USP45: variants seen among roughly 807,000 people sequenced by gnomAD.
USP45 encodes ubiquitin carboxyl-terminal hydrolase 45.
In USP45, 89 loss-of-function variants were observed where a neutral mutation model predicts 95.8. The observed-to-expected ratio is 0.93, with a 90% CI of 0.78 to 1.11. The LOEUF (loss-of-function observed/expected upper bound fraction) is 1.11. Among genes scored for constraint, USP45 ranks in the 50% least tolerant of loss-of-function variants. USP45 has a pLI of 0.00. For synonymous variants in USP45, 281 were observed against 316.2 expected (o/e 0.89, Z 1.18); for missense variants, 898 against 942.5 (o/e 0.95, Z 0.62).
intron 13 of USP45, among the ~76,000 whole-genome samples, chr6:99,456,119 C>T (rs1161360337): frequency 4.5e-5 from 5 of 109,998 alleles, no homozygotes; most frequent in East Asian, 2.9e-4. Context: ...GGCAACAGAG[C>T]GAGACTCTGT....
At position 99,459,123 on chromosome 6, in the gene USP45, A is replaced by G. The variant is rs545010867; in HGVS notation, c.1308+5481T>C. Reference sequence around the variant, plus strand: ...CTAGTATCCAATATTATTTTTTCTGATCCTCTCCCTCCTCCCACCCTGTGC... The same window carrying G: ...CTAGTATCCAATATTATTTTTTCTGGTCCTCTCCCTCCTCCCACCCTGTGC... On this transcript the variant is annotated intron_variant, in intron 13 of 17. Coordinates refer to ENST00000500704, the MANE Select transcript of USP45 (RefSeq NM_001346022.3). Among the ~76,000 whole-genome samples the G allele has an allele frequency of 2.0e-5, 3 of 152,040 alleles. No homozygotes were observed. The South Asian group carries it at 6.2e-4, about 32-fold the overall frequency.
chr6:99,451,559 T>C (rs1289206445), intron 13 of USP45, among the ~76,000 whole-genome samples: 2 of 152,200 alleles, frequency 1.3e-5, no homozygotes, highest in Non-Finnish European at 2.9e-5. Context: ...GAACCTTCCA[T>C]ACTCATGGAT....
At chr6:99,486,611 TA>T (rs990985522) in intron 7 of USP45, among the ~76,000 whole-genome samples, 15 of 106,166 alleles carry the variant, frequency 1.4e-4, no homozygotes, top group African/African-American at 6.2e-4. Context: ...AATATATATA[TA>T]AAAAGGAGGT....
chr6:99,462,140 T>C, intron 13 of USP45: 1 of 983,048 alleles, frequency 1.0e-6, no homozygotes. Context: ...GTAACTCTAT[T>C]ACATGAAAAA....
chr6:99,485,733 A>G (rs1193052622), intron 7 of USP45, among the ~76,000 whole-genome samples: 4 of 152,208 alleles, frequency 2.6e-5, no homozygotes, highest in Admixed American at 2.0e-4. Context: ...TTCCACACAC[A>G]CTGTTGATAT....
chr6:99,502,281 G>A (rs1797552568), intron 5 of USP45, among the ~76,000 whole-genome samples: 1 of 152,192 alleles, frequency 6.6e-6, no homozygotes, highest in Admixed American at 6.5e-5. Flanking sequence ...CCCAGACTTT[G>A]CCCTATGCAT....
chr6:99,455,052 TGCACTCCA>T (rs1339323688), intron 13 of USP45, among the ~76,000 whole-genome samples: 1 of 138,430 alleles, frequency 7.2e-6, no homozygotes, highest in Admixed American at 8.1e-5. Context: ...ATCACACCAC[TGCACTCCA>T]GCCCGGGTGA....
rs931140875 is a variant in USP45 at position 99,456,065 on chromosome 6, A to G, written c.1308+8539T>C. Among the ~76,000 whole-genome samples, 3 of 145,456 alleles carry G rather than the reference A, an allele frequency of 2.1e-5. No individual in the cohort carries two copies. In the Admixed American group the frequency reaches 2.1e-4, roughly 10 times the overall value. On this transcript the variant is annotated intron_variant, in intron 13 of 17. Coordinates refer to ENST00000500704, the MANE Select transcript of USP45 (RefSeq NM_001346022.3). ...GGAGAATGGCATGAACCTGGGAGGC[A>G]GAGCTTGCAGTGAGCCAAGATCGCG...
rs1010019788 is a variant in USP45 at position 99,499,507 on chromosome 6, A to G, written c.478+4258T>C. ...AAAACTTATTCTAGAATGCCAAGGA[A>G]TATTATTTTAAATCAAACTTGCCTG... On this transcript the variant is annotated intron_variant, in intron 5 of 17. Transcript: ENST00000500704. Among the ~76,000 whole-genome samples the G allele has an allele frequency of 2.6e-5, 4 of 152,192 alleles. No individual in the cohort carries two copies. The East Asian group carries it at 7.7e-4, about 29-fold the overall frequency.
At chr6:99,437,954 G>A (rs910818695) in intron 16 of USP45, among the ~76,000 whole-genome samples, 2 of 151,982 alleles carry the variant, frequency 1.3e-5, no homozygotes, top group East Asian at 1.9e-4. Flanking sequence ...CACTGAGCCT[G>A]GCCTATGCAG....
At chr6:99,443,486 A>T in intron 15 of USP45, 79 bp downstream of exon 15, 1 of 928,556 alleles carries the variant, frequency 1.1e-6, no homozygotes, top group Non-Finnish European at 1.6e-6. Flanking sequence ...GTTATTGTCT[A>T]ATTCTTGACA....
intron 5 of USP45, among the ~76,000 whole-genome samples, chr6:99,492,384 C>G (rs1344441441): frequency 1.3e-5 from 1 of 75,758 alleles, no homozygotes; most frequent in Non-Finnish European, 2.4e-5. Context: ...GGTTAAATAG[C>G]CACTTCACAC....
chr6:99,497,176 G>T (rs1049465154), intron 5 of USP45, among the ~76,000 whole-genome samples: 1 of 151,598 alleles, frequency 6.6e-6, no homozygotes, highest in African/African-American at 2.4e-5. Context: ...CCTATTTCTG[G>T]GTGGGACTCA....
intron 13 of USP45, among the ~76,000 whole-genome samples, chr6:99,448,261 C>T (rs971711835): frequency 3.3e-5 from 5 of 152,124 alleles, no homozygotes; most frequent in African/African-American, 1.2e-4. Flanking sequence ...TGAGGAAGTT[C>T]GAACCCAATG....
intron 13 of USP45, among the ~76,000 whole-genome samples, chr6:99,448,634 T>C (rs889430133): frequency 1.2e-4 from 18 of 152,114 alleles, no homozygotes; most frequent in African/African-American, 4.3e-4. Flanking sequence ...TTCCCCAACA[T>C]AGCAAGGCAG....
rs1445004794 is a variant in USP45 at position 99,484,192 on chromosome 6, C to T, written c.715-1309G>A. Among the ~76,000 whole-genome samples the T allele has an allele frequency of 5.4e-5, 8 of 148,902 alleles. No individual in the cohort carries two copies. The South Asian group carries it at 1.3e-3, about 24-fold the overall frequency. ...TGTTTTTTCTTTTTTTTTTTTTAGA[C>T]GAAGTCTCACTCTGTCACCCAGGCT... On this transcript the variant is annotated intron_variant, in intron 7 of 17. Transcript: ENST00000500704.
intron 5 of USP45, among the ~76,000 whole-genome samples, chr6:99,497,900 CA>C (rs1427794613): frequency 2.0e-5 from 3 of 152,186 alleles, no homozygotes. Context: ...CTGGAACACA[CA>C]ATCTGTTCCC....
At chr6:99,508,307 C>G (rs1798985000) in intron 3 of USP45, among the ~76,000 whole-genome samples, 1 of 152,118 alleles carries the variant, frequency 6.6e-6, no homozygotes. Context: ...AAAAATTAAT[C>G]TGAAAGGTAG....
At chr6:99,486,832 T>TACACACACACACAAACAC (rs1162856357) in intron 7 of USP45, among the ~76,000 whole-genome samples, 1 of 151,314 alleles carries the variant, frequency 6.6e-6, no homozygotes, top group South Asian at 2.1e-4. Flanking sequence ...CTTACACACT[T>TACACACACACACAAACAC]ACACACACAC....
Sources: gnomAD v4.1 joint callset for allele counts (sites outside exome capture counted in the v4.1 genomes callset) on GRCh38, gnomAD v4.1.1 for gene constraint, MANE v1.5 for transcripts, NCBI Gene and HGNC (gene_info 2026-07-23, HGNC 2026-07-21) for gene names.